ADGRL3: variants seen among roughly 807,000 people sequenced by gnomAD.
ADGRL3 encodes calcium-independent alpha-latrotoxin receptor 3.
In ADGRL3, 62 loss-of-function variants were observed where a neutral mutation model predicts 153.5. The ratio of observed to expected loss-of-function variants is 0.40; its 90% CI spans 0.33 to 0.50. The LOEUF (loss-of-function observed/expected upper bound fraction) is 0.50, where lower values mean the gene tolerates loss of function less well. ADGRL3 is among the 20% of genes least tolerant of loss of function. ADGRL3 has a pLI of 0.47. For synonymous variants in ADGRL3, 710 were observed against 672.5 expected, an observed-to-expected ratio of 1.06 and a Z score of -0.86; for missense variants, 1,641 against 1,859.4, an observed-to-expected ratio of 0.88 and a Z score of 2.16.
At chr4:61,760,279 G>A (rs1258995275) in intron 8 of ADGRL3, among the ~76,000 whole-genome samples, 1 of 152,172 alleles carries the variant, frequency 6.6e-6, no homozygotes, top group Non-Finnish European at 1.5e-5. Flanking sequence ...AGGTAGGCAG[G>A]CCTTCTTGAG....
intron 5 of ADGRL3, among the ~76,000 whole-genome samples, chr4:61,632,494 A>G (rs2150042661): frequency 6.6e-6 from 1 of 152,256 alleles, no homozygotes; most frequent in South Asian, 2.1e-4. Flanking sequence ...CTGGAAGCTT[A>G]GGAAAAGTCT....
At chr4:61,337,221 AC>A (rs950158791) in intron 1 of ADGRL3, among the ~76,000 whole-genome samples, 2 of 151,726 alleles carry the variant, frequency 1.3e-5, no homozygotes, top group Non-Finnish European at 2.9e-5. Context: ...TGTACCCCTG[AC>A]CCCTTTGTGG....
At chr4:61,660,540 G>A (rs1425072792) in intron 5 of ADGRL3, among the ~76,000 whole-genome samples, 1 of 152,056 alleles carries the variant, frequency 6.6e-6, no homozygotes, top group African/African-American at 2.4e-5. Context: ...TATTGTTTAT[G>A]TGGAGATGGA....
chr4:62,044,543 A>C lies in ADGRL3; in HGVS notation c.3808A>C (p.Asn1270His). 7 of 1,572,204 alleles carry C rather than the reference A, an allele frequency of 4.5e-6. No homozygotes were observed. The highest frequency in any genetic ancestry group is 6.1e-6 in the Non-Finnish European group (7 of 1,154,834). ...AGACATAAACAGTTCAGCGTCACTC[A>C]ACAGAGGTAATTAGAAATAATTTTT... ...TGDINSSASL[N>H]REPYRETKGL... is the part of the protein sequence containing the mutation. The change falls in exon 25 of 27, where the codon AAC becomes CAC. Residue 1270 changes from asparagine (N) to histidine (H), a missense_variant. Asn to His is a moderately conservative substitution (Grantham distance 68, BLOSUM62 1). Around this residue, in one of 5 missense-constraint regions of ADGRL3, gnomAD observed 517 missense variants for 555.0 expected, o/e 0.93. Transcript: ENST00000683033.
At chr4:61,293,006 G>A (rs79449392) in intron 1 of ADGRL3, among the ~76,000 whole-genome samples, 6,681 of 152,192 alleles carry the variant, frequency 0.044, 265 homozygotes, top group African/African-American at 0.098. Flanking sequence ...CAGGTTAATC[G>A]TCGTCTTTGC....
intron 2 of ADGRL3, among the ~76,000 whole-genome samples, chr4:61,434,408 T>TA (rs2097417947): frequency 6.6e-6 from 1 of 152,108 alleles, no homozygotes. Flanking sequence ...ACACTATGGA[T>TA]ATGCATGTAT....
intron 6 of ADGRL3, among the ~76,000 whole-genome samples, chr4:61,698,574 A>G (rs2095687083): frequency 6.6e-6 from 1 of 152,244 alleles, no homozygotes; most frequent in Admixed American, 6.5e-5. Context: ...GGTTACACTC[A>G]TTCAAACTCT....
chr4:61,728,540 CAAA>C (rs2096386754), intron 6 of ADGRL3, among the ~76,000 whole-genome samples: 1 of 152,012 alleles, frequency 6.6e-6, no homozygotes, highest in South Asian at 2.1e-4. Flanking sequence ...ATAAAACTCA[CAAA>C]GAAGTTAAGA....
At chr4:61,525,286 T>A (rs1319215362) in intron 4 of ADGRL3, among the ~76,000 whole-genome samples, 1 of 151,644 alleles carries the variant, frequency 6.6e-6, no homozygotes, top group African/African-American at 2.4e-5. Flanking sequence ...AGATGAGAGG[T>A]AGTAGAGGAG....
chr4:61,301,522 G>A (rs1166232443), intron 1 of ADGRL3, among the ~76,000 whole-genome samples: 1 of 152,212 alleles, frequency 6.6e-6, no homozygotes, highest in Non-Finnish European at 1.5e-5. Context: ...GCAAGCAGCT[G>A]CTGGAAGTTC....
At chr4:62,044,172 A>G (rs1288705524) in intron 24 of ADGRL3, among the ~76,000 whole-genome samples, 1 of 152,024 alleles carries the variant, frequency 6.6e-6, no homozygotes, top group African/African-American at 2.4e-5. Flanking sequence ...TATATTCAAC[A>G]TATTTAAATT....
chr4:61,563,602 T>C lies in ADGRL3; in HGVS notation c.260-23625T>C, dbSNP rs189296428. Among the ~76,000 whole-genome samples the C allele has an allele frequency of 6.3e-3, 962 of 152,348 alleles. 15 individuals carry two copies. The highest frequency in any genetic ancestry group is 7.5e-3 in the Non-Finnish European group (509 of 68,042). Reference sequence around the variant, plus strand: ...TGCATTGGAAATCTGTCGTTTAGTGTAGCCACATTCAACAAGTATCTTAGA... The same window carrying C: ...TGCATTGGAAATCTGTCGTTTAGTGCAGCCACATTCAACAAGTATCTTAGA... On this transcript the variant is annotated intron_variant, in intron 4 of 26. Transcript: ENST00000683033.
At chr4:61,547,371 G>A (rs963092304) in intron 4 of ADGRL3, among the ~76,000 whole-genome samples, 1 of 151,800 alleles carries the variant, frequency 6.6e-6, no homozygotes, top group African/African-American at 2.4e-5. Flanking sequence ...TTGTCACCGG[G>A]TAATAAGCAT....
intron 8 of ADGRL3, among the ~76,000 whole-genome samples, chr4:61,778,067 C>G (rs1280146038): frequency 6.6e-6 from 1 of 152,152 alleles, no homozygotes; most frequent in Non-Finnish European, 1.5e-5. Context: ...AATTCCATAC[C>G]TGACCTCATG....
chr4:61,819,628 C>T (rs2097728773), intron 9 of ADGRL3, among the ~76,000 whole-genome samples: 1 of 152,022 alleles, frequency 6.6e-6, no homozygotes, highest in Non-Finnish European at 1.5e-5. Flanking sequence ...TGTTATTCAT[C>T]AGTCTAGCAA....
At chr4:61,559,662 A>C (rs2098785657) in intron 4 of ADGRL3, among the ~76,000 whole-genome samples, 1 of 152,008 alleles carries the variant, frequency 6.6e-6, no homozygotes, top group South Asian at 2.1e-4. Context: ...GGCATGCCAC[A>C]AGGGGATGAA....
At chr4:61,335,301 C>T (rs954748749) in intron 1 of ADGRL3, among the ~76,000 whole-genome samples, 3 of 151,944 alleles carry the variant, frequency 2.0e-5, no homozygotes, top group African/African-American at 4.8e-5. Context: ...CTTTTCAGTA[C>T]GTTTTACTCT....
At chr4:61,896,086 T>C (rs924712361) in intron 11 of ADGRL3, among the ~76,000 whole-genome samples, 3 of 152,138 alleles carry the variant, frequency 2.0e-5, no homozygotes, top group African/African-American at 7.2e-5. Context: ...TATTGTGCAC[T>C]ACAGCTATAA....
At chr4:61,528,253 A>G (rs1005149284) in intron 4 of ADGRL3, among the ~76,000 whole-genome samples, 1 of 152,112 alleles carries the variant, frequency 6.6e-6, no homozygotes, top group African/African-American at 2.4e-5. Context: ...CATCAGTGTT[A>G]GTGATTCTAT....
Sources: gnomAD v4.1 joint callset for allele counts (sites outside exome capture counted in the v4.1 genomes callset) on GRCh38, gnomAD v4.1.1 for gene constraint, gnomAD v4.1.1 regional missense constraint, MANE v1.5 for transcripts, NCBI Gene and HGNC (gene_info 2026-07-23, HGNC 2026-07-21) for gene names.